CNTN4: variants seen among roughly 807,000 people sequenced by gnomAD.
The protein encoded by CNTN4 is contactin 4.
Under a neutral mutation model 122.5 loss-of-function variants are expected in CNTN4, and 77 were observed. That is an observed-to-expected ratio of 0.63 (90% CI 0.52 to 0.76). The LOEUF (loss-of-function observed/expected upper bound fraction) is 0.76, where lower values mean the gene tolerates loss of function less well. Ranked by LOEUF, CNTN4 falls within the 30% of genes least tolerant of loss-of-function variation. The pLI is 0.00. For synonymous variants in CNTN4, 512 were observed against 447.0 expected, an observed-to-expected ratio of 1.15 and a Z score of -1.83; for missense variants, 1,256 against 1,259.1, an observed-to-expected ratio of 1.00 and a Z score of 0.04.
At chr3:2,323,154 T>C (rs1425027315) in intron 2 of CNTN4, among the ~76,000 whole-genome samples, 1 of 152,178 alleles carries the variant, frequency 6.6e-6, no homozygotes, top group Admixed American at 6.5e-5. Flanking sequence ...AGAATCGGTC[T>C]CTTCCATTTT....
chr3:2,726,682 C>T (rs769718802), intron 4 of CNTN4, among the ~76,000 whole-genome samples: 44 of 152,138 alleles, frequency 2.9e-4, no homozygotes, highest in Admixed American at 4.6e-4. Flanking sequence ...AAATATAAAT[C>T]GGAAAGTTTG....
Position 2,871,132 on chromosome 3 carries a change from G to A in CNTN4, c.652+4183G>A, listed in dbSNP as rs968861025. 1.6e-3 allele frequency among the ~76,000 whole-genome samples: 240 copies of A among 152,246 alleles called. 2 individuals are homozygous for A. Among genetic ancestry groups the A allele is most frequent in the Non-Finnish European group, 3.5e-4 (24 of 68,030 alleles). ...AGCCAAGCAGTCCAGGCAGAGTTCA[G>A]CCCCACCATTTATTAGCCACGTGGC... On this transcript the variant is annotated intron_variant, in intron 8 of 24. Coordinates refer to ENST00000418658, the MANE Select transcript of CNTN4 (RefSeq NM_175607.3).
chr3:2,903,024 A>G lies in CNTN4; in HGVS notation c.1207+19A>G, dbSNP rs755075194. 1.9e-6 allele frequency: 3 copies of G among 1,612,022 alleles called. No homozygotes were observed. Among genetic ancestry groups the G allele is most frequent in the East Asian group, 2.2e-5 (1 of 44,820 alleles). On this transcript the variant is annotated intron_variant, in intron 12 of 24. Coordinates refer to ENST00000418658, the MANE Select transcript of CNTN4 (RefSeq NM_175607.3). ...GTTATAGGTGAGTCTTTATACTGGC[A>G]AGAAAAAAAAATTAAAACTCTTTAG...
intron 6 of CNTN4, among the ~76,000 whole-genome samples, chr3:2,759,309 C>G (rs1263145568): frequency 6.6e-6 from 1 of 152,126 alleles, no homozygotes; most frequent in Non-Finnish European, 1.5e-5. Flanking sequence ...GTGCCTGCCA[C>G]CACGCCCGGC....
intron 2 of CNTN4, among the ~76,000 whole-genome samples, chr3:2,196,431 A>G (rs1323838021): frequency 2.6e-5 from 4 of 152,192 alleles, no homozygotes; most frequent in African/African-American, 9.7e-5. Flanking sequence ...GGTTGGTTCA[A>G]TAGACTCTTT....
Position 2,795,552 on chromosome 3 carries a change from G to A in CNTN4, c.359-23934G>A, listed in dbSNP as rs113594031. On this transcript the variant is annotated intron_variant, in intron 6 of 24. Transcript: ENST00000418658. Reference sequence around the variant, plus strand: ...TTTTTTTTTTCTGAGATGGAGTCTCGCTCTGTCGCCCAGGCTGGAGTGCGG... The same window carrying A: ...TTTTTTTTTTCTGAGATGGAGTCTCACTCTGTCGCCCAGGCTGGAGTGCGG... 8.7e-4 allele frequency among the ~76,000 whole-genome samples: 125 copies of A among 143,730 alleles called. 3 individuals carry two copies. The highest frequency in any genetic ancestry group is 7.5e-3 in the Middle Eastern group (2 of 266). 94.3% of individuals were successfully genotyped at this position (143,730 alleles called of 152,430 possible). A position where few individuals can be genotyped will look rare whatever the true frequency, so the allele number is the denominator to read the frequency against.
At chr3:2,941,981 T>G (rs1385370861) in intron 13 of CNTN4, among the ~76,000 whole-genome samples, 1 of 152,224 alleles carries the variant, frequency 6.6e-6, no homozygotes, top group Non-Finnish European at 1.5e-5. Context: ...CAATTTCTTC[T>G]TTGCATTTTT....
intron 6 of CNTN4, among the ~76,000 whole-genome samples, chr3:2,781,451 C>G (rs1377111088): frequency 6.6e-6 from 1 of 151,726 alleles, no homozygotes; most frequent in Non-Finnish European, 1.5e-5. Flanking sequence ...GAGTCAAACT[C>G]TTTGAAGAGA....
intron 2 of CNTN4, among the ~76,000 whole-genome samples, chr3:2,255,396 G>C (rs893874922): frequency 4.6e-5 from 7 of 152,088 alleles, no homozygotes; most frequent in Non-Finnish European, 8.8e-5. Flanking sequence ...AATTAACAAG[G>C]ATATTTAGGA....
At position 2,866,540 on chromosome 3, in the gene CNTN4, C is replaced by T. The variant is rs1017135503; in HGVS notation, c.455-212C>T. 1.6e-4 allele frequency: 203 copies of T among 1,290,276 alleles called. 2 individuals carry two copies. The South Asian group carries it at 2.7e-3, about 17-fold the overall frequency. The allele number at this position is 1,290,276 out of a possible 1,614,324, so 79.9% of individuals were successfully genotyped here. On this transcript the variant is annotated intron_variant, in intron 7 of 24. Coordinates refer to ENST00000418658, the MANE Select transcript of CNTN4 (RefSeq NM_175607.3). ...TAATCAGCTATCAGTGTATCTTTTA[C>T]TTCTCTGGAAATAAAACCTTATTGA...
At chr3:2,848,446 G>A (rs191850083) in intron 7 of CNTN4, among the ~76,000 whole-genome samples, 146 of 152,258 alleles carry the variant, frequency 9.6e-4, no homozygotes, top group African/African-American at 3.3e-3. Flanking sequence ...AGAAGTCCCC[G>A]TGTTGGTTCC....
intron 2 of CNTN4, among the ~76,000 whole-genome samples, chr3:2,165,299 G>A (rs1574976896): frequency 6.6e-6 from 1 of 151,664 alleles, no homozygotes; most frequent in African/African-American, 2.4e-5. Flanking sequence ...CTCCAGCCTG[G>A]GTGACAAGAG....
At chr3:2,697,718 A>G (rs78516484) in intron 4 of CNTN4, among the ~76,000 whole-genome samples, 4,742 of 152,068 alleles carry the variant, frequency 0.031, 95 homozygotes, top group Admixed American at 0.051. Context: ...GAGAGAGAGA[A>G]AAAAAAAGAT....
rs150031395 is a variant in CNTN4, at chr3:2,767,428, C to T, written c.358+21731C>T. Among the ~76,000 whole-genome samples, 1,397 of 152,234 alleles carry T rather than the reference C, an allele frequency of 9.2e-3. 13 individuals carry two copies. The highest frequency in any genetic ancestry group is 0.015 in the Non-Finnish European group (1,009 of 68,004). ...TTTTGTGATTGATTTTTAAAATAAA[C>T]GAATTGTTTGCTTCAGCTAATCAGG... On this transcript the variant is annotated intron_variant, in intron 6 of 24. Transcript: ENST00000418658.
intron 3 of CNTN4, among the ~76,000 whole-genome samples, chr3:2,390,720 T>G (rs1201554726): frequency 6.6e-6 from 1 of 152,186 alleles, no homozygotes; most frequent in Non-Finnish European, 1.5e-5. Flanking sequence ...AAACAATGTT[T>G]GCAGAATTAA....
chr3:2,280,207 G>A (rs2041666934), intron 2 of CNTN4, among the ~76,000 whole-genome samples: 2 of 152,160 alleles, frequency 1.3e-5, no homozygotes, highest in Admixed American at 1.3e-4. Flanking sequence ...TGATTCACCT[G>A]CCTCAGCCTC....
rs148266257 is a variant in CNTN4 at position 2,350,545 on chromosome 3, T to A, written c.-89+11312T>A. On this transcript the variant is annotated intron_variant, in intron 3 of 24. Transcript: ENST00000418658. ...GTGCTCTGTACTAGTGTAAGATAAATACATAATTAGTATACTTAAATAAAG... is the reference window on the plus strand; with the variant it reads ...GTGCTCTGTACTAGTGTAAGATAAAAACATAATTAGTATACTTAAATAAAG... Among the ~76,000 whole-genome samples, 398 of 148,464 alleles carry A rather than the reference T, an allele frequency of 2.7e-3. 4 individuals carry two copies. Among genetic ancestry groups the A allele is most frequent in the African/African-American group, 9.2e-3 (375 of 40,604 alleles).
intron 2 of CNTN4, among the ~76,000 whole-genome samples, chr3:2,185,876 A>G (rs535704795): frequency 2.0e-5 from 3 of 152,126 alleles, no homozygotes; most frequent in Admixed American, 6.6e-5. Flanking sequence ...AGCCTTAATT[A>G]TAACATATCC....
At chr3:2,496,574 C>T (rs1365521734) in intron 3 of CNTN4, among the ~76,000 whole-genome samples, 4 of 152,056 alleles carry the variant, frequency 2.6e-5, no homozygotes, top group Admixed American at 2.6e-4. Flanking sequence ...TTTCAGTCTC[C>T]TGGAGATAGG....
Sources: gnomAD v4.1 joint callset for allele counts (sites outside exome capture counted in the v4.1 genomes callset) on GRCh38, gnomAD v4.1.1 for gene constraint, MANE v1.5 for transcripts, NCBI Gene and HGNC (gene_info 2026-07-23, HGNC 2026-07-21) for gene names.